Variants in EDNRB observed in about 807,000 individuals in gnomAD.
The protein encoded by EDNRB is endothelin receptor type B, also known as Hirschsprung disease 2.
A neutral mutation model predicts 46.4 loss-of-function variants in EDNRB; 18 were observed. The observed-to-expected ratio is 0.39, with a 90% CI of 0.27 to 0.57. The LOEUF (loss-of-function observed/expected upper bound fraction) is 0.57, where lower values mean the gene tolerates loss of function less well. EDNRB is among the 20% of genes least tolerant of loss of function. EDNRB has a pLI of 0.61. For missense variants in EDNRB, 434 were observed against 537.5 expected, an observed-to-expected ratio of 0.81 and a Z score of 1.90; for synonymous variants, 213 against 204.9, an observed-to-expected ratio of 1.04 and a Z score of -0.34.
At position 77,931,724 on chromosome 13, in the gene EDNRB, G is replaced by A. The variant is rs1490274772; in HGVS notation, c.-51-13100C>T. On this transcript the variant is annotated intron_variant, in intron 1 of 7. Transcript: ENST00000646948. ...TCAGCTACAGCTCTATTTTTCCTTA[G>A]CATTGAAATACTGTAGTAGCAAAAA... is the stretch of plus-strand genomic sequence containing the variant. Among the ~76,000 whole-genome samples, 19 of 108,926 alleles carry A rather than the reference G, an allele frequency of 1.7e-4. 1 individual carries two copies. Among genetic ancestry groups the A allele is most frequent in the Non-Finnish European group, 1.7e-4 (10 of 59,416 alleles). The allele number at this position is 108,926 out of a possible 152,430, so 71.5% of individuals were successfully genotyped here. A position where few individuals can be genotyped will look rare whatever the true frequency, so the allele number is the denominator to read the frequency against.
intron 1 of EDNRB, among the ~76,000 whole-genome samples, chr13:77,942,058 T>C (rs1880764806): frequency 1.3e-5 from 2 of 152,160 alleles, no homozygotes; most frequent in African/African-American, 4.8e-5. Context: ...TTCTTGTGCT[T>C]TGTCTAAACA....
At position 77,897,883 on chromosome 13, in the gene EDNRB, G is replaced by A. The variant is rs1878715529; in HGVS notation, c.*317C>T. The A allele has an allele frequency of 1.9e-6, 2 of 1,049,874 alleles. No homozygotes were observed. The highest frequency in any genetic ancestry group is 2.3e-6 in the Non-Finnish European group (2 of 869,944). The allele number at this position is 1,049,874 out of a possible 1,614,324, so 65.0% of individuals were successfully genotyped here. On this transcript the variant is annotated 3_prime_UTR_variant, in exon 7 of 7. Coordinates refer to ENST00000646607, the MANE Select transcript of EDNRB (RefSeq NM_001122659.3). ...TCTTTTTAGAAAGAATAGAAATTCT[G>A]AGTGAGCTCATTTTTAAGCCTAAGT...
chr13:77,900,725 G>A (rs1407644387), intron 4 of EDNRB, 71 bp from the exon 5 acceptor site: 14 of 1,595,436 alleles, frequency 8.8e-6, no homozygotes, highest in Admixed American at 1.7e-5. Context: ...CTTCTAAAAC[G>A]ACATTTAATA....
intron 1 of EDNRB, among the ~76,000 whole-genome samples, chr13:77,962,310 T>G (rs1237209584): frequency 1.3e-5 from 2 of 152,132 alleles, no homozygotes; most frequent in African/African-American, 4.8e-5. Context: ...TACCAAAGCC[T>G]GGCAGAGACA....
rs544877467 is a variant in EDNRB, at chr13:77,941,374, G to A, written c.-51-22750C>T. ...CTAGAAGGGAAGGGATGGTATGGTTGGTTTGTCTATTCTCTGTTCTGAGGA... is the reference window on the plus strand; with the variant it reads ...CTAGAAGGGAAGGGATGGTATGGTTAGTTTGTCTATTCTCTGTTCTGAGGA... On this transcript the variant is annotated intron_variant, in intron 1 of 7. Transcript: ENST00000646948. Among the ~76,000 whole-genome samples, 7 of 152,252 alleles carry A rather than the reference G, an allele frequency of 4.6e-5. No homozygotes were observed. In the East Asian group the frequency reaches 5.8e-4, roughly 13 times the overall value.
chr13:77,955,845 G>GTATC (rs61434836), intron 1 of EDNRB, among the ~76,000 whole-genome samples: 24,998 of 145,582 alleles, frequency 0.17, 2,177 homozygotes, highest in Non-Finnish European at 0.2. Flanking sequence ...ATGTGTGTGT[G>GTATC]TATCTATCTA....
chr13:77,938,982 A>G (rs933888715), intron 1 of EDNRB, among the ~76,000 whole-genome samples: 1 of 152,194 alleles, frequency 6.6e-6, no homozygotes, highest in South Asian at 2.1e-4. Flanking sequence ...ACCAAATTTC[A>G]TGCACGTCAG....
At chr13:77,951,227 C>T (rs578165016) in intron 1 of EDNRB, among the ~76,000 whole-genome samples, 2 of 151,942 alleles carry the variant, frequency 1.3e-5, no homozygotes, top group African/African-American at 4.8e-5. Context: ...GCCAGTCTGC[C>T]TGAATCTAAG....
intron 1 of EDNRB, among the ~76,000 whole-genome samples, chr13:77,959,947 G>A (rs1881356575): frequency 6.6e-6 from 1 of 152,182 alleles, no homozygotes; most frequent in Non-Finnish European, 1.5e-5. Context: ...AGTGATTGAA[G>A]ATCAAATGAA....
chr13:77,948,719 C>A (rs1266700081), intron 1 of EDNRB, among the ~76,000 whole-genome samples: 15 of 152,180 alleles, frequency 9.9e-5, no homozygotes, highest in African/African-American at 3.6e-4. Flanking sequence ...TATTGATATT[C>A]TGTTTCTTTT....
upstream of EDNRB, chr13:77,919,850 G>T (rs1044483338): frequency 1.2e-5 from 6 of 519,484 alleles, no homozygotes; most frequent in Admixed American, 3.2e-5. Context: ...GGCAGCTCCA[G>T]ACTAGAACAA....
chr13:77,929,386 T>C (rs1880323566), intron 1 of EDNRB, among the ~76,000 whole-genome samples: 1 of 152,218 alleles, frequency 6.6e-6, no homozygotes, highest in Admixed American at 6.5e-5. Context: ...TATTCTTTGA[T>C]ATTTCCAATA....
At chr13:77,938,566 A>G (rs1357166340) in intron 1 of EDNRB, among the ~76,000 whole-genome samples, 1 of 152,194 alleles carries the variant, frequency 6.6e-6, no homozygotes, top group East Asian at 1.9e-4. Context: ...CCGCGTGGTC[A>G]GACACCTCTG....
At chr13:77,925,298 A>C (rs939665371) in intron 1 of EDNRB, among the ~76,000 whole-genome samples, 2 of 152,232 alleles carry the variant, frequency 1.3e-5, no homozygotes, top group Non-Finnish European at 2.9e-5. Context: ...TAAGTCTGCA[A>C]ATACCTCTTT....
At chr13:77,906,053 T>C (rs942612) in intron 1 of EDNRB, among the ~76,000 whole-genome samples, 82,099 of 151,658 alleles carry the variant, frequency 0.54, 22,985 homozygotes, top group Non-Finnish European at 0.62. Flanking sequence ...GTGAGCTGGA[T>C]CCTGTGCGCC....
At chr13:77,919,467 G>A (rs200607028), upstream of EDNRB, 18 of 1,612,750 alleles carry the variant, frequency 1.1e-5, no homozygotes, top group African/African-American at 2.7e-5. Context: ...GAACCCAGCT[G>A]GGTTCCAGCC....
Position 77,903,302 on chromosome 13 carries a change from C to A in EDNRB, c.655G>T (p.Ala219Ser). The change falls in exon 3 of 7, where the codon GCA (alanine) becomes TCA (serine). Residue 219 changes from alanine to serine, a missense_variant. By Grantham distance (99) the Ala-to-Ser change is moderately conservative (BLOSUM62 1). Transcript: ENST00000646607. The part of the protein sequence containing the change: ...IKGIGVPKWT[A>S]VEIVLIWVVS... ...ACCCAAATCAAAACAATTTCTACTG[C>A]TGTCCATTTTGGAACCCCAATTCCT... 1 of 1,612,972 alleles carries A rather than the reference C, an allele frequency of 6.2e-7. No homozygotes were observed. The highest frequency in any genetic ancestry group is 8.5e-7 in the Non-Finnish European group (1 of 1,179,336).
chr13:77,901,173 C>A lies in EDNRB; in HGVS notation c.836G>T (p.Ser279Ile), dbSNP rs746051328. 6.2e-7 allele frequency: 1 copy of A among 1,611,236 alleles called. No homozygotes were observed. The highest frequency in any genetic ancestry group is 1.3e-5 in the African/African-American group (1 of 74,824). The change falls in exon 4 of 7, where the codon AGT (serine) becomes ATT (isoleucine). Residue 279 changes from serine (S) to isoleucine (I), a missense_variant. Ser to Ile is a moderately radical substitution (Grantham distance 142). Transcript: ENST00000646607. ...YKTAKDWWLF[S>I]FYFCLPLAIT... ...GGCCAATGGCAAGCAGAAATAGAAACTGAATAGCCACCAATCTTTTGCTGT... is the reference window on the plus strand; with the variant it reads ...GGCCAATGGCAAGCAGAAATAGAAAATGAATAGCCACCAATCTTTTGCTGT...
At chr13:77,912,390 C>T (rs934976960) in intron 1 of EDNRB, among the ~76,000 whole-genome samples, 3 of 152,062 alleles carry the variant, frequency 2.0e-5, no homozygotes, top group Admixed American at 2.0e-4. Flanking sequence ...CTATGACCAA[C>T]ATGTGAAACA....
Sources: allele counts gnomAD v4.1 joint callset (sites outside exome capture counted in the v4.1 genomes callset), GRCh38; gene constraint gnomAD v4.1.1; transcripts MANE v1.5; gene names NCBI Gene and HGNC (gene_info 2026-07-23, HGNC 2026-07-21).